TOX: variants seen among roughly 807,000 people sequenced by gnomAD.
TOX encodes thymocyte selection associated high mobility group box, also known as thymocyte selection-associated high mobility group box protein TOX.
A neutral mutation model predicts 53.7 loss-of-function variants in TOX; 11 were observed. The ratio of observed to expected loss-of-function variants is 0.20; its 90% confidence interval spans 0.13 to 0.34. The LOEUF (loss-of-function observed/expected upper bound fraction) is 0.34. TOX is among the 10% of genes least tolerant of loss of function. The pLI, the probability that TOX is intolerant of heterozygous loss-of-function variation, is 1.00. For missense variants in TOX, 570 were observed against 664.6 expected, an observed-to-expected ratio of 0.86 and a Z score of 1.56; for synonymous variants, 225 against 245.3, an observed-to-expected ratio of 0.92 and a Z score of 0.77.
chr8:58,994,417 TGTGC>T lies in TOX; in HGVS notation c.103-34413_103-34410del, dbSNP rs1382340022. On this transcript the variant is annotated intron_variant, in intron 1 of 8. Transcript: ENST00000361421. ...GTGTGTGTGTGTGTGTGTGTGTGTG[TGTGC>T]GCGCGCGCATGTGTGTGTATTTTTT... 9.9e-3 allele frequency among the ~76,000 whole-genome samples: 1,383 copies of T among 139,872 alleles called. 47 individuals are homozygous for T. The highest frequency in any genetic ancestry group is 0.093 in the South Asian group (437 of 4,674). 91.8% of individuals were successfully genotyped at this position (139,872 alleles called of 152,430 possible).
chr8:58,956,379 T>C (rs1326808985), intron 2 of TOX, among the ~76,000 whole-genome samples: 5 of 152,174 alleles, frequency 3.3e-5, no homozygotes, highest in Non-Finnish European at 7.3e-5. Context: ...CCAATGCCCC[T>C]CTGTTTTGTT....
intron 1 of TOX, among the ~76,000 whole-genome samples, chr8:58,990,841 A>T (rs1585946707): frequency 6.6e-6 from 1 of 152,186 alleles, no homozygotes; most frequent in Non-Finnish European, 1.5e-5. Flanking sequence ...TGTGGGCCAC[A>T]GTTAGGCTAA....
intron 3 of TOX, among the ~76,000 whole-genome samples, chr8:58,900,674 G>C (rs1327438511): frequency 1.3e-5 from 2 of 151,976 alleles, no homozygotes; most frequent in Non-Finnish European, 2.9e-5. Context: ...ATTTCTTAGG[G>C]CAAGGGACCT....
At chr8:58,898,546 T>C (rs1811686907) in intron 3 of TOX, among the ~76,000 whole-genome samples, 1 of 152,142 alleles carries the variant, frequency 6.6e-6, no homozygotes. Flanking sequence ...GCCAAAAAGC[T>C]TCAGGAACTA....
chr8:59,004,136 C>A (rs545562564), intron 1 of TOX, among the ~76,000 whole-genome samples: 7 of 152,288 alleles, frequency 4.6e-5, no homozygotes, highest in African/African-American at 1.2e-4. Flanking sequence ...CACTATACAG[C>A]CTGTAAATCA....
At chr8:59,023,994 A>G (rs982976972) in intron 1 of TOX, among the ~76,000 whole-genome samples, 16 of 152,236 alleles carry the variant, frequency 1.1e-4, no homozygotes, top group Non-Finnish European at 2.4e-4. Flanking sequence ...AATCAAGAGC[A>G]TACTTAAGCT....
At chr8:59,002,568 G>A (rs1475506565) in intron 1 of TOX, among the ~76,000 whole-genome samples, 1 of 150,286 alleles carries the variant, frequency 6.7e-6, no homozygotes, top group African/African-American at 2.4e-5. Context: ...TCCAGCCTGG[G>A]CAACACAGCA....
intron 1 of TOX, among the ~76,000 whole-genome samples, chr8:58,972,660 A>G (rs1456278173): frequency 6.6e-6 from 1 of 152,192 alleles, no homozygotes; most frequent in Non-Finnish European, 1.5e-5. Context: ...ACCTAGCTAG[A>G]TACTTAAGCT....
chr8:58,988,361 T>G (rs569944270), intron 1 of TOX, among the ~76,000 whole-genome samples: 1 of 152,220 alleles, frequency 6.6e-6, no homozygotes, highest in Non-Finnish European at 1.5e-5. Flanking sequence ...AAAACAGCCA[T>G]GTTCTTTCAT....
At chr8:59,017,227 C>CATATGCTACTTATCAT (rs1814030912) in intron 1 of TOX, among the ~76,000 whole-genome samples, 2 of 152,218 alleles carry the variant, frequency 1.3e-5, no homozygotes, top group African/African-American at 4.8e-5. Flanking sequence ...CATACTGTAG[C>CATATGCTACTTATCAT]ACTGTTTAGA....
intron 1 of TOX, among the ~76,000 whole-genome samples, chr8:59,063,823 A>G (rs1444250569): frequency 2.6e-5 from 4 of 152,120 alleles, no homozygotes; most frequent in African/African-American, 4.8e-5. Flanking sequence ...AATCACATGA[A>G]CCAAAACGTC....
intron 1 of TOX, among the ~76,000 whole-genome samples, chr8:59,048,497 A>C (rs2129421162): frequency 6.6e-6 from 1 of 152,314 alleles, no homozygotes; most frequent in South Asian, 2.1e-4. Context: ...CATATAAATA[A>C]CAGAGCAAAA....
At chr8:59,080,323 A>G (rs1804383826) in intron 1 of TOX, among the ~76,000 whole-genome samples, 1 of 152,016 alleles carries the variant, frequency 6.6e-6, no homozygotes, top group Non-Finnish European at 1.5e-5. Context: ...TGGAATGGGA[A>G]TATTTACCCA....
chr8:58,840,433 A>C (rs1810623986), intron 4 of TOX, among the ~76,000 whole-genome samples: 1 of 152,222 alleles, frequency 6.6e-6, no homozygotes, highest in South Asian at 2.1e-4. Context: ...ACAAACTGGC[A>C]TAACAATGCT....
At chr8:58,945,852 C>T (rs1289180522) in intron 2 of TOX, among the ~76,000 whole-genome samples, 1 of 152,110 alleles carries the variant, frequency 6.6e-6, no homozygotes, top group Non-Finnish European at 1.5e-5. Context: ...AATCTAGTTT[C>T]TCTACCAGAG....
intron 3 of TOX, among the ~76,000 whole-genome samples, chr8:58,913,958 C>A (rs569395401): frequency 7.2e-5 from 11 of 152,232 alleles, no homozygotes; most frequent in Admixed American, 2.6e-4. Flanking sequence ...ATGGAGAGCA[C>A]GCGCTGAAAG....
At chr8:58,902,350 C>T (rs189899390) in intron 3 of TOX, among the ~76,000 whole-genome samples, 1 of 152,294 alleles carries the variant, frequency 6.6e-6, no homozygotes, top group Admixed American at 6.5e-5. Flanking sequence ...TTCAATCCAT[C>T]ATCTGCATGG....
At chr8:58,941,450 C>T (rs1433297974) in intron 2 of TOX, among the ~76,000 whole-genome samples, 1 of 152,118 alleles carries the variant, frequency 6.6e-6, no homozygotes, top group Non-Finnish European at 1.5e-5. Context: ...CAACTCAATA[C>T]ACATGAGGGA....
At chr8:58,831,834 G>T (rs1262734712) in intron 5 of TOX, among the ~76,000 whole-genome samples, 1 of 152,138 alleles carries the variant, frequency 6.6e-6, no homozygotes, top group Non-Finnish European at 1.5e-5. Flanking sequence ...AAACTGAACT[G>T]CATGTTCTAA....
Sources: gnomAD v4.1 joint callset for allele counts (sites outside exome capture counted in the v4.1 genomes callset) on GRCh38, gnomAD v4.1.1 for gene constraint, MANE v1.5 for transcripts, NCBI Gene and HGNC (gene_info 2026-07-23, HGNC 2026-07-21) for gene names.